The following ARMH4 variants were observed in gnomAD, a reference collection of about 807,000 sequenced individuals.
ARMH4 encodes armadillo-like helical domain-containing protein 4.
ARMH4 carries 49 observed loss-of-function variants against 61.9 expected under a neutral mutation model. The observed-to-expected ratio is 0.79, with a 90% CI of 0.63 to 1.00. The LOEUF (loss-of-function observed/expected upper bound fraction) is 1.00, where lower values mean the gene tolerates loss of function less well. Among genes scored for constraint, ARMH4 ranks in the 50% least tolerant of loss-of-function variants. ARMH4 has a pLI of 0.00. For synonymous variants in ARMH4, 368 were observed against 341.5 expected, an observed-to-expected ratio of 1.08 and a Z score of -0.85; for missense variants, 934 against 930.0, an observed-to-expected ratio of 1.00 and a Z score of -0.06.
At chr14:58,039,766 T>G (rs1247004570) in intron 5 of ARMH4, among the ~76,000 whole-genome samples, 1 of 152,228 alleles carries the variant, frequency 6.6e-6, no homozygotes, top group Non-Finnish European at 1.5e-5. Context: ...CTCAACACTA[T>G]GGCTTATGAA....
intron 5 of ARMH4, among the ~76,000 whole-genome samples, chr14:58,094,883 T>C (rs1885697041): frequency 6.6e-6 from 1 of 152,176 alleles, no homozygotes; most frequent in South Asian, 2.1e-4. Context: ...CATGGGTGTA[T>C]ACAACTCTCA....
chr14:58,126,304 A>T (rs1886893517), intron 4 of ARMH4, among the ~76,000 whole-genome samples: 1 of 152,252 alleles, frequency 6.6e-6, no homozygotes, highest in Non-Finnish European at 1.5e-5. Context: ...ACCTGAATGA[A>T]GGCACACTTT....
intron 5 of ARMH4, among the ~76,000 whole-genome samples, chr14:58,082,037 C>T (rs1885245765): frequency 6.6e-6 from 1 of 152,096 alleles, no homozygotes; most frequent in African/African-American, 2.4e-5. Context: ...GAAAAACTCT[C>T]ATCAATTATT....
rs114921081 is a variant in ARMH4 at position 58,038,608 on chromosome 14, T to C, written c.2090-26458A>G. 5.0e-3 allele frequency among the ~76,000 whole-genome samples: 756 copies of C among 152,132 alleles called. 2 individuals carry two copies. Among genetic ancestry groups the C allele is most frequent in the African/African-American group, 0.017 (720 of 41,530 alleles). On this transcript the variant is annotated intron_variant, in intron 5 of 7. Coordinates refer to ENST00000267485, the MANE Select transcript of ARMH4 (RefSeq NM_001001872.4). ...CTTAAATTCCATTATCAAGTTATCTTTTAAATTTGTGATACAATAGTAAAT... is the reference window on the plus strand; with the variant it reads ...CTTAAATTCCATTATCAAGTTATCTCTTAAATTTGTGATACAATAGTAAAT...
chr14:58,021,913 T>C (rs959743061), intron 5 of ARMH4, among the ~76,000 whole-genome samples: 2 of 152,200 alleles, frequency 1.3e-5, no homozygotes, highest in African/African-American at 4.8e-5. Flanking sequence ...CTAGGAGCCA[T>C]CTGCAACCAA....
Position 58,036,871 on chromosome 14 carries a change from C to G in ARMH4, c.2090-24721G>C, listed in dbSNP as rs1308575684. Among the ~76,000 whole-genome samples the G allele has an allele frequency of 6.4e-5, 8 of 125,712 alleles. No homozygotes were observed. In the East Asian group the frequency reaches 1.2e-3, roughly 19 times the overall value. The allele number at this position is 125,712 out of a possible 152,430, so 82.5% of individuals were successfully genotyped here. A position where few individuals can be genotyped will look rare whatever the true frequency, so the allele number is the denominator to read the frequency against. On this transcript the variant is annotated intron_variant, in intron 5 of 7. Transcript: ENST00000267485. Reference sequence around the variant, plus strand: ...ATGTGAAGGACCTCTTCAAGGAGAACTACAACCCACTGCTCAAGGAAATAA... The same window carrying G: ...ATGTGAAGGACCTCTTCAAGGAGAAGTACAACCCACTGCTCAAGGAAATAA...
intron 1 of ARMH4, chr14:58,141,199 A>T (rs993637203): frequency 1.2e-5 from 3 of 256,560 alleles, no homozygotes; most frequent in African/African-American, 6.8e-5. Flanking sequence ...AGAGTTTTTT[A>T]AAGTAAGTAA....
Position 58,012,130 on chromosome 14 carries a change from AT to A in ARMH4, c.2109del (p.Lys703AsnfsTer2). ...AATACTTTTCTTACCTTGTCTTTTA[AT>A]TTTTCCATCCAGCTTCTCACTAGGA... ...NQGLVRSWME[K>X]LKDKAGYMSG... On this transcript the variant is annotated frameshift_variant, in exon 6 of 8. Coordinates refer to ENST00000267485, the MANE Select transcript of ARMH4 (RefSeq NM_001001872.4). LOFTEE classifies it high-confidence loss of function. The A allele has an allele frequency of 1.4e-6, 2 of 1,480,614 alleles. No individual in the cohort carries two copies. 91.7% of individuals were successfully genotyped at this position (1,480,614 alleles called of 1,614,324 possible).
chr14:58,021,237 C>CA (rs1377201910), intron 5 of ARMH4, among the ~76,000 whole-genome samples: 10 of 152,168 alleles, frequency 6.6e-5, no homozygotes, highest in Non-Finnish European at 1.5e-4. Context: ...CCACTATCCT[C>CA]ACATGGCTTG....
chr14:58,008,966 C>A (rs1882285745), intron 6 of ARMH4, among the ~76,000 whole-genome samples: 1 of 152,144 alleles, frequency 6.6e-6, no homozygotes, highest in African/African-American at 2.4e-5. Context: ...AGTTTAGATG[C>A]TGAGAAGATA....
At chr14:58,088,603 C>A (rs1437856756) in intron 5 of ARMH4, among the ~76,000 whole-genome samples, 2 of 152,144 alleles carry the variant, frequency 1.3e-5, no homozygotes, top group Non-Finnish European at 2.9e-5. Context: ...GACTCCCAGG[C>A]GTCTGGCAGA....
At chr14:58,035,893 T>C (rs1487035165) in intron 5 of ARMH4, among the ~76,000 whole-genome samples, 2 of 140,394 alleles carry the variant, frequency 1.4e-5, no homozygotes, top group East Asian at 4.0e-4. Context: ...GGCTCTGAAA[T>C]TGTGGCAATA....
intron 5 of ARMH4, among the ~76,000 whole-genome samples, chr14:58,043,534 A>G (rs1883806588): frequency 1.3e-5 from 2 of 152,242 alleles, no homozygotes; most frequent in Admixed American, 1.3e-4. Context: ...ATTCCCTTTG[A>G]AAACTGGCAC....
At chr14:58,030,164 C>T (rs1004053036) in intron 5 of ARMH4, among the ~76,000 whole-genome samples, 1 of 152,138 alleles carries the variant, frequency 6.6e-6, no homozygotes, top group African/African-American at 2.4e-5. Flanking sequence ...CTCCTAGAAG[C>T]TGGGTGGGTG....
intron 4 of ARMH4, among the ~76,000 whole-genome samples, chr14:58,112,569 G>C (rs1312704943): frequency 6.6e-6 from 1 of 151,882 alleles, no homozygotes; most frequent in African/African-American, 2.4e-5. Context: ...ATTTTATACA[G>C]AGTGCTTATG....
intron 5 of ARMH4, among the ~76,000 whole-genome samples, chr14:58,015,892 A>AAATAAAATTTAAATTTAAATTT (rs372192442): frequency 0.036 from 5,396 of 150,772 alleles, 216 homozygotes; most frequent in African/African-American, 0.088. Context: ...ACAAAAAATA[A>AAATAAAATTTAAATTTAAATTT]AATAAAATTT....
At chr14:58,084,968 C>G (rs1885335013) in intron 5 of ARMH4, among the ~76,000 whole-genome samples, 1 of 152,226 alleles carries the variant, frequency 6.6e-6, no homozygotes, top group Non-Finnish European at 1.5e-5. Context: ...CTAAGCTTCG[C>G]TTTAAGGCTT....
chr14:58,130,295 T>C lies in ARMH4; in HGVS notation c.1831+1217A>G, dbSNP rs553287144. The stretch of plus-strand genomic sequence containing the variant: ...AAACCAGGCTTCTACTGTGGAATTC[T>C]CCACACTGCTCCTAAAATGTCATGT... On this transcript the variant is annotated intron_variant, in intron 4 of 7. Coordinates refer to ENST00000267485, the MANE Select transcript of ARMH4 (RefSeq NM_001001872.4). 6.0e-4 allele frequency among the ~76,000 whole-genome samples: 91 copies of C among 152,348 alleles called. No individual in the cohort carries two copies. The South Asian group carries it at 0.017, about 28-fold the overall frequency.
chr14:58,040,477 C>T (rs11621716), intron 5 of ARMH4, among the ~76,000 whole-genome samples: 22,907 of 152,194 alleles, frequency 0.15, 2,208 homozygotes, highest in East Asian at 0.49. Context: ...ATCCATGCTC[C>T]TGCAAAGGAC....
Sources: allele counts gnomAD v4.1 joint callset (sites outside exome capture counted in the v4.1 genomes callset), GRCh38; gene constraint gnomAD v4.1.1; transcripts MANE v1.5; gene names NCBI Gene and HGNC (gene_info 2026-07-23, HGNC 2026-07-21).